Variants in FAM171A1 observed in about 807,000 individuals in gnomAD.
FAM171A1 encodes family with sequence similarity 171 member A1, also known as protein FAM171A1.
Under a neutral mutation model 74.9 loss-of-function variants are expected in FAM171A1, and 23 were observed. The observed-to-expected ratio is 0.31, with a 90% CI of 0.22 to 0.44. The LOEUF (loss-of-function observed/expected upper bound fraction) is 0.44, where lower values mean the gene tolerates loss of function less well. Ranked by LOEUF, FAM171A1 falls within the 20% of genes least tolerant of loss-of-function variation. The probability of loss-of-function intolerance (pLI) is 1.00; values close to 1 mark genes in which losing one functional copy is unlikely to be tolerated. For synonymous variants in FAM171A1, 527 were observed against 505.7 expected (o/e 1.04, Z -0.57); for missense variants, 1,162 against 1,159.2 (o/e 1.00, Z -0.03).
chr10:15,337,078 A>C (rs567985639), intron 1 of FAM171A1, among the ~76,000 whole-genome samples: 68 of 149,466 alleles, frequency 4.5e-4, no homozygotes, highest in African/African-American at 1.6e-3. Flanking sequence ...GTGGTATCTC[A>C]CTATGTTGCC....
chr10:15,331,930 C>G (rs1835643469), intron 1 of FAM171A1, among the ~76,000 whole-genome samples: 1 of 136,204 alleles, frequency 7.3e-6, no homozygotes, highest in African/African-American at 2.6e-5. Flanking sequence ...GAGGTATTAT[C>G]TAGAGCACCT....
chr10:15,338,582 T>G (rs747556668), intron 1 of FAM171A1, among the ~76,000 whole-genome samples: 4 of 152,190 alleles, frequency 2.6e-5, no homozygotes, highest in Non-Finnish European at 4.4e-5. Flanking sequence ...GTGAGGAATA[T>G]AGTCTCATAG....
In FAM171A1 at chr10:15,284,024, T is replaced by A; in HGVS notation, c.179A>T (p.Gln60Leu). The A allele has an allele frequency of 1.2e-6, 2 of 1,614,108 alleles. No individual in the cohort carries two copies. The highest frequency in any genetic ancestry group is 1.7e-6 in the Non-Finnish European group (2 of 1,180,010). ...CGAGGTGCCAGAGGCTATGGAGGCCTGGTTGGTGAAGATCTCGATGAGCGC... is the reference window on the plus strand; with the variant it reads ...CGAGGTGCCAGAGGCTATGGAGGCCAGGTTGGTGAAGATCTCGATGAGCGC... Reference protein sequence around the residue: ...ADALIEIFTNQASIASGTSGT... With the variant: ...ADALIEIFTNLASIASGTSGT... Residue 60 changes from glutamine (Q) to leucine (L), a missense_variant, in exon 2 of 8, where the codon CAG becomes CTG. By Grantham distance (113) the Gln-to-Leu change is moderately radical. Transcript: ENST00000378116.
At chr10:15,324,842 C>T (rs759218757) in intron 1 of FAM171A1, among the ~76,000 whole-genome samples, 6 of 152,178 alleles carry the variant, frequency 3.9e-5, no homozygotes, top group Non-Finnish European at 8.8e-5. Flanking sequence ...GATTCAGTAA[C>T]ATATCACAGG....
At chr10:15,319,575 G>A (rs12265658) in intron 1 of FAM171A1, among the ~76,000 whole-genome samples, 1,525 of 152,238 alleles carry the variant, frequency 0.01, 25 homozygotes, top group Non-Finnish European at 0.012. Flanking sequence ...TAGAATTATA[G>A]GCATGCACAA....
intron 1 of FAM171A1, among the ~76,000 whole-genome samples, chr10:15,297,593 G>C (rs1002034799): frequency 6.6e-6 from 1 of 152,164 alleles, no homozygotes. Flanking sequence ...GCCAAGAATG[G>C]TGAAATATAC....
At chr10:15,273,129 A>G (rs1834848430) in intron 3 of FAM171A1, among the ~76,000 whole-genome samples, 1 of 152,154 alleles carries the variant, frequency 6.6e-6, no homozygotes, top group African/African-American at 2.4e-5. Context: ...GATCAACAAA[A>G]TTGATAGACC....
chr10:15,216,483 C>T (rs146350985), intron 6 of FAM171A1, among the ~76,000 whole-genome samples: 11 of 151,536 alleles, frequency 7.3e-5, no homozygotes, highest in South Asian at 4.1e-4. Context: ...CAGGCTGGAG[C>T]GCAGTGATAC....
chr10:15,363,977 C>A (rs1836028185), intron 1 of FAM171A1, among the ~76,000 whole-genome samples: 1 of 141,780 alleles, frequency 7.1e-6, no homozygotes, highest in South Asian at 2.2e-4. Flanking sequence ...CTGAGAGAGG[C>A]AGAGAAATCT....
chr10:15,357,093 G>C (rs1045397166), intron 1 of FAM171A1, among the ~76,000 whole-genome samples: 58 of 152,174 alleles, frequency 3.8e-4, no homozygotes, highest in African/African-American at 1.3e-3. Flanking sequence ...AGTCTGGCCA[G>C]CGTGGGGAAA....
chr10:15,297,380 C>T (rs1835174162), intron 1 of FAM171A1, among the ~76,000 whole-genome samples: 2 of 152,086 alleles, frequency 1.3e-5, no homozygotes, highest in Admixed American at 1.3e-4. Context: ...CTTGATAGAA[C>T]TTACACATAA....
chr10:15,239,686 C>T (rs987070016), intron 5 of FAM171A1, among the ~76,000 whole-genome samples: 3 of 152,154 alleles, frequency 2.0e-5, no homozygotes, highest in Middle Eastern at 3.2e-3. Context: ...TTACATATTC[C>T]GCTGATTCTT....
At chr10:15,313,493 A>C (rs1835388007) in intron 1 of FAM171A1, among the ~76,000 whole-genome samples, 1 of 152,260 alleles carries the variant, frequency 6.6e-6, no homozygotes, top group Non-Finnish European at 1.5e-5. Flanking sequence ...GCCTAGAAAG[A>C]AATTGAAGAT....
At chr10:15,330,432 A>G (rs1835613968) in intron 1 of FAM171A1, among the ~76,000 whole-genome samples, 1 of 152,152 alleles carries the variant, frequency 6.6e-6, no homozygotes, top group South Asian at 2.1e-4. Flanking sequence ...AGGTAAATGC[A>G]AGTAGAAGAG....
rs180900485 is a variant in FAM171A1 at position 15,259,525 on chromosome 10, T to A, written c.419-4646A>T. On this transcript the variant is annotated intron_variant, in intron 3 of 7. Transcript: ENST00000378116. Reference sequence around the variant, plus strand: ...GCACCTCTTCTCTAAATGAGAGGCATAGATCAGTGCTTTAGAATTTACAAA... The same window carrying A: ...GCACCTCTTCTCTAAATGAGAGGCAAAGATCAGTGCTTTAGAATTTACAAA... Among the ~76,000 whole-genome samples, 13 of 152,318 alleles carry A rather than the reference T, an allele frequency of 8.5e-5. No homozygotes were observed. In the East Asian group the frequency reaches 2.3e-3, roughly 27 times the overall value.
chr10:15,260,056 G>A (rs1834635961), intron 3 of FAM171A1, among the ~76,000 whole-genome samples: 1 of 151,906 alleles, frequency 6.6e-6, no homozygotes, highest in African/African-American at 2.4e-5. Context: ...CAAACTCCTG[G>A]GCTCAAGTCA....
At chr10:15,246,698 T>C (rs1334747848) in intron 5 of FAM171A1, among the ~76,000 whole-genome samples, 1 of 152,154 alleles carries the variant, frequency 6.6e-6, no homozygotes, top group Non-Finnish European at 1.5e-5. Context: ...ATTTTTTGTA[T>C]TTTTAGTAGA....
At chr10:15,342,895 C>T (rs1835780757) in intron 1 of FAM171A1, among the ~76,000 whole-genome samples, 1 of 152,186 alleles carries the variant, frequency 6.6e-6, no homozygotes, top group South Asian at 2.1e-4. Context: ...TCTGGAAGAC[C>T]GACCTTGGAG....
In FAM171A1 at chr10:15,309,805, A is replaced by G. The variant is rs1364664279; in HGVS notation, c.98-25700T>C. 2.6e-5 allele frequency among the ~76,000 whole-genome samples: 4 copies of G among 152,360 alleles called. No individual in the cohort carries two copies. The East Asian group carries it at 7.7e-4, about 29-fold the overall frequency. ...TTTCTCCAATGTGAAAAACAAATGA[A>G]TTAAAATTGCAGGTAATATTTACCT... On this transcript the variant is annotated intron_variant, in intron 1 of 7. Transcript: ENST00000378116.
Sources: gnomAD v4.1 joint callset for allele counts (sites outside exome capture counted in the v4.1 genomes callset) on GRCh38, gnomAD v4.1.1 for gene constraint, MANE v1.5 for transcripts, NCBI Gene and HGNC (gene_info 2026-07-23, HGNC 2026-07-21) for gene names.